Variants in XRRA1 observed in about 807,000 individuals in gnomAD.
XRRA1 encodes the protein X-ray radiation resistance associated 1, also known as X-ray radiation resistance-associated protein 1.
Under a neutral mutation model 80.2 loss-of-function variants are expected in XRRA1, and 69 were observed. The ratio of observed to expected loss-of-function variants is 0.86; its 90% CI spans 0.71 to 1.05. XRRA1 has a LOEUF of 1.05. XRRA1 is among the 50% of genes least tolerant of loss of function. XRRA1 has a pLI of 0.00. For missense variants in XRRA1, 967 were observed against 976.4 expected (o/e 0.99, Z 0.13); for synonymous variants, 348 against 389.9 (o/e 0.89, Z 1.27).
intron 10 of XRRA1, chr11:74,876,221 A>T (rs2046016972): frequency 6.6e-6 from 1 of 152,140 alleles, no homozygotes. Flanking sequence ...GTGCTTGGAG[A>T]CCCCAGTCCT....
rs78877290 is a variant in XRRA1 at position 74,872,367 on chromosome 11, C to T, written c.1004-9346G>A. ...ATTAGAAGGAAACTGTAGAAGCAGG[C>T]TATAGGACCAGATAGCACCTTGAAA... On this transcript the variant is annotated intron_variant, in intron 10 of 18. Transcript: ENST00000684022. 4.2e-3 allele frequency among the ~76,000 whole-genome samples: 646 copies of T among 152,282 alleles called. 3 individuals carry two copies. The highest frequency in any genetic ancestry group is 0.015 in the African/African-American group (615 of 41,540).
chr11:74,871,780 C>T (rs1440416298), intron 10 of XRRA1, among the ~76,000 whole-genome samples: 2 of 152,182 alleles, frequency 1.3e-5, no homozygotes, highest in Non-Finnish European at 2.9e-5. Flanking sequence ...ATTGCATGAC[C>T]TTAGGCAAAT....
At chr11:74,859,024 A>T in intron 12 of XRRA1, 134 bp downstream of exon 12, 1 of 1,251,926 alleles carries the variant, frequency 8.0e-7, no homozygotes, top group Non-Finnish European at 1.1e-6. Context: ...CACTTTCCCC[A>T]CCCTGAGAAT....
In XRRA1 at chr11:74,848,095, G is replaced by A. The variant is rs1422018632; in HGVS notation, c.1728+20C>T. 1.3e-6 allele frequency: 2 copies of A among 1,593,016 alleles called. No homozygotes were observed. The highest frequency in any genetic ancestry group is 1.7e-6 in the Non-Finnish European group (2 of 1,172,046). The stretch of plus-strand genomic sequence containing the variant: ...GTGGGAGCTAGCAACAAGTGGGCAG[G>A]GGCAGCTGGATACAGGTACCTGGGT... On this transcript the variant is annotated intron_variant, in intron 15 of 18. Coordinates refer to ENST00000684022, the MANE Select transcript of XRRA1 (RefSeq NM_001378157.1).
chr11:74,927,017 T>G (rs1304982444), intron 7 of XRRA1, among the ~76,000 whole-genome samples: 1 of 152,122 alleles, frequency 6.6e-6, no homozygotes. Flanking sequence ...TTAAGCTCCA[T>G]GGCTCCTCAA....
At chr11:74,844,332 C>T (rs1255785548) in intron 16 of XRRA1, 49 bp from the exon 17 acceptor site, 2 of 1,345,984 alleles carry the variant, frequency 1.5e-6, no homozygotes, top group African/African-American at 1.4e-5. Flanking sequence ...CCTCCTCCTC[C>T]CAGATGCCTC....
intron 5 of XRRA1, among the ~76,000 whole-genome samples, chr11:74,932,589 T>C (rs1289239672): frequency 6.6e-6 from 1 of 152,124 alleles, no homozygotes; most frequent in Non-Finnish European, 1.5e-5. Context: ...AAGAAGAACA[T>C]ACGGTATCCA....
At chr11:74,887,228 A>G (rs2049252744) in intron 10 of XRRA1, among the ~76,000 whole-genome samples, 1 of 152,240 alleles carries the variant, frequency 6.6e-6, no homozygotes, top group Non-Finnish European at 1.5e-5. Flanking sequence ...ATGAGACCCA[A>G]TTAAACTAAA....
At chr11:74,877,711 T>C (rs1021272413) in intron 10 of XRRA1, among the ~76,000 whole-genome samples, 4 of 149,644 alleles carry the variant, frequency 2.7e-5, no homozygotes, top group Non-Finnish European at 5.9e-5. Context: ...GAATATGCGG[T>C]GTTTGGTTTT....
At chr11:74,867,557 T>C (rs923176522) in intron 10 of XRRA1, among the ~76,000 whole-genome samples, 1 of 152,152 alleles carries the variant, frequency 6.6e-6, no homozygotes, top group East Asian at 1.9e-4. Context: ...GCAAAACCTC[T>C]GAGAAATATG....
chr11:74,854,973 C>T (rs1005701594), intron 12 of XRRA1, among the ~76,000 whole-genome samples: 1 of 152,094 alleles, frequency 6.6e-6, no homozygotes, highest in Non-Finnish European at 1.5e-5. Flanking sequence ...TCACTTGAAC[C>T]CAGGAGGTGG....
intron 14 of XRRA1, among the ~76,000 whole-genome samples, chr11:74,850,058 T>A (rs1029864141): frequency 7.2e-5 from 11 of 152,252 alleles, no homozygotes; most frequent in African/African-American, 2.7e-4. Flanking sequence ...GATTTGTTTC[T>A]CATTTGGCCA....
intron 10 of XRRA1, among the ~76,000 whole-genome samples, chr11:74,878,124 G>GT (rs1555043825): frequency 6.6e-6 from 1 of 151,402 alleles, no homozygotes; most frequent in Non-Finnish European, 1.5e-5. Flanking sequence ...TCCAGCACCT[G>GT]TTGTTTCCTG....
In XRRA1 at chr11:74,945,075, T is replaced by C. The variant is rs893468720; in HGVS notation, c.-62A>G. 1 of 152,592 alleles carries C rather than the reference T, an allele frequency of 6.6e-6. No homozygotes were observed. Among genetic ancestry groups the C allele is most frequent in the African/African-American group, 2.4e-5 (1 of 41,440 alleles). The allele number at this position is 152,592 out of a possible 1,614,324, so 9.5% of individuals were successfully genotyped here. ...TTCCTTTTTTTTTTGTTTCTTCACT[T>C]GTTTCTTTGCCTGTAAGATAAATAT... is the stretch of plus-strand genomic sequence containing the variant. On this transcript the variant is annotated 5_prime_UTR_variant, in exon 2 of 19. Transcript: ENST00000684022.
chr11:74,921,406 T>A, intron 7 of XRRA1, 59 bp from the exon 8 acceptor site: 1 of 1,598,974 alleles, frequency 6.3e-7, no homozygotes, highest in Non-Finnish European at 8.6e-7. Context: ...ACAATGCTCA[T>A]ATATGATGTG....
intron 12 of XRRA1, among the ~76,000 whole-genome samples, chr11:74,855,408 A>G (rs1284394782): frequency 6.6e-6 from 1 of 152,234 alleles, no homozygotes; most frequent in Admixed American, 6.5e-5. Context: ...TGATAAAAAA[A>G]TTGAATGATA....
intron 8 of XRRA1, among the ~76,000 whole-genome samples, chr11:74,915,896 A>AT (rs1206134248): frequency 6.6e-6 from 1 of 152,006 alleles, no homozygotes; most frequent in African/African-American, 2.4e-5. Context: ...GAATGTCTTA[A>AT]TTTCTTCCAT....
At chr11:74,860,741 T>C (rs952261409) in intron 11 of XRRA1, among the ~76,000 whole-genome samples, 2 of 152,242 alleles carry the variant, frequency 1.3e-5, no homozygotes, top group Non-Finnish European at 2.9e-5. Flanking sequence ...AGACCATGTG[T>C]CTACCCTCCT....
chr11:74,945,191 C>G (rs945944077), intron 1 of XRRA1, 106 bp from the exon 2 acceptor site: 2 of 152,386 alleles, frequency 1.3e-5, no homozygotes, highest in Admixed American at 6.6e-5. Flanking sequence ...ATTTGTCTTG[C>G]CTTTAGTCCT....
Sources: allele counts gnomAD v4.1 joint callset (sites outside exome capture counted in the v4.1 genomes callset), GRCh38; gene constraint gnomAD v4.1.1; transcripts MANE v1.5; gene names NCBI Gene and HGNC (gene_info 2026-07-23, HGNC 2026-07-21).